Variants in NEB observed in about 807,000 individuals in gnomAD.
NEB encodes nebulin.
In NEB, 512 loss-of-function variants were observed where a neutral mutation model predicts 952.2. That is an observed-to-expected ratio of 0.54 (90% CI 0.50 to 0.58). The LOEUF is 0.58. Among genes scored for constraint, NEB ranks in the 20% least tolerant of loss-of-function variants. NEB has a pLI of 0.00. For synonymous variants in NEB, 2,900 were observed against 3,149.8 expected, an observed-to-expected ratio of 0.92 and a Z score of 2.66; for missense variants, 8,428 against 9,231.1, an observed-to-expected ratio of 0.91 and a Z score of 3.56.
At chr2:151,697,103 T>G (rs369409568) in intron 16 of NEB, 45 bp downstream of exon 16, 1 of 1,408,872 alleles carries the variant, frequency 7.1e-7, no homozygotes, top group Non-Finnish European at 9.9e-7. Context: ...GACCACTAGA[T>G]GCTATGGAAG....
chr2:151,526,351 G>A lies in NEB; in HGVS notation c.21946-89C>T, dbSNP rs150230249. ...ACCCTCAAACCAGTAGAACAGCAGC[G>A]TTGACAATACTAAACTCAATAAAAG... On this transcript the variant is annotated intron_variant, in intron 148 of 181. Coordinates refer to ENST00000397345, the MANE Select transcript of NEB (RefSeq NM_001164508.2). 2.9e-5 allele frequency: 26 copies of A among 889,282 alleles called. No individual in the cohort carries two copies. In the East Asian group the frequency reaches 3.2e-4, roughly 11 times the overall value. The allele number at this position is 889,282 out of a possible 1,614,324, so 55.1% of individuals were successfully genotyped here.
chr2:151,500,470 A>AAAGAT (rs2063584586), intron 168 of NEB, among the ~76,000 whole-genome samples: 1 of 152,124 alleles, frequency 6.6e-6, no homozygotes. Context: ...AATATTAATA[A>AAAGAT]AAGATAACAT....
Position 151,682,784 on chromosome 2 carries a change from G to A in NEB, c.2836-15C>T, listed in dbSNP as rs762710683. On this transcript the variant is annotated splice_polypyrimidine_tract_variant and intron_variant, in intron 28 of 181. Transcript: ENST00000397345. ...TTGTATTCAACCTAAAACACCAAGA[G>A]AAAGGTTACATTTCTTTGCTGTGTC... The A allele has an allele frequency of 5.0e-6, 8 of 1,595,676 alleles. No individual in the cohort carries two copies. Among genetic ancestry groups the A allele is most frequent in the African/African-American group, 2.7e-5 (2 of 74,514 alleles).
intron 170 of NEB, chr2:151,497,944 GTTA>G: frequency 6.9e-7 from 1 of 1,444,190 alleles, no homozygotes; most frequent in Non-Finnish European, 9.0e-7. Context: ...AGTTATCCAT[GTTA>G]TTTTTTTTCA....
chr2:151,722,768 C>CA (rs1428454202), intron 9 of NEB, among the ~76,000 whole-genome samples: 2 of 152,152 alleles, frequency 1.3e-5, no homozygotes, highest in Non-Finnish European at 2.9e-5. Flanking sequence ...AGGCTGATCT[C>CA]AGACTCCTGG....
chr2:151,516,049 C>G (rs540345056), intron 157 of NEB, among the ~76,000 whole-genome samples: 1 of 152,254 alleles, frequency 6.6e-6, no homozygotes, highest in South Asian at 2.1e-4. Context: ...TATCTGGGGT[C>G]TTGATAAACA....
intron 78 of NEB, 34 bp from the exon 79 acceptor site, chr2:151,610,900 G>A: frequency 7.3e-7 from 1 of 1,378,244 alleles, no homozygotes; most frequent in Non-Finnish European, 9.9e-7. Flanking sequence ...CATGGGGAGA[G>A]GGAGGGAGTA....
intron 47 of NEB, among the ~76,000 whole-genome samples, chr2:151,658,427 A>T (rs1182881047): frequency 6.6e-6 from 1 of 152,174 alleles, no homozygotes; most frequent in East Asian, 1.9e-4. Flanking sequence ...TTATTCTTAC[A>T]TCAAAAGAAA....
intron 141 of NEB, among the ~76,000 whole-genome samples, chr2:151,536,729 T>C (rs1014218178): frequency 6.6e-6 from 1 of 152,186 alleles, no homozygotes; most frequent in African/African-American, 2.4e-5. Flanking sequence ...GTGAATTGAA[T>C]TGCTTTATGT....
At chr2:151,497,518 C>T in intron 171 of NEB, 108 bp downstream of exon 171, 1 of 1,497,568 alleles carries the variant, frequency 6.7e-7, no homozygotes, top group Non-Finnish European at 8.9e-7. Context: ...AAGAAATTCA[C>T]AAAATTTAAG....
chr2:151,567,457 A>G lies in NEB; in HGVS notation c.17867T>C (p.Val5956Ala). 1 of 1,611,702 alleles carries G rather than the reference A, an allele frequency of 6.2e-7. No homozygotes were observed. Among genetic ancestry groups the G allele is most frequent in the Non-Finnish European group, 8.5e-7 (1 of 1,178,722 alleles). ...QSELKYKAEHVKQKGHYVGVP... is the reference protein window; with the variant it reads ...QSELKYKAEHAKQKGHYVGVP... ...ACCAACATAATGACCTTTTTGCTTC[A>G]CATGTTCAGCTTTGTATTTCAGCTG... Residue 5956 changes from valine (V) to alanine (A), a missense_variant, in exon 114 of 182, where the codon GTG becomes GCG. This residue lies in a region of NEB where 3,374 missense variants were observed against 3,651.5 expected (regional missense o/e 0.92). Coordinates refer to ENST00000397345, the MANE Select transcript of NEB (RefSeq NM_001164508.2).
Position 151,678,030 on chromosome 2 carries a change from T to A in NEB, c.3413A>T (p.Asn1138Ile). Reference sequence around the variant, plus strand: ...GACATTGAACATATCATGGGGCGTGTTGTATTTGGACTTTGTCTTCTCATA... The same window carrying A: ...GACATTGAACATATCATGGGGCGTGATGTATTTGGACTTTGTCTTCTCATA... ...KDYEKTKSKY[N>I]TPHDMFNVVA... Residue 1138 changes from asparagine to isoleucine, a missense_variant, in exon 33 of 182, where the codon AAC (asparagine) becomes ATC (isoleucine). Around this residue, in one of 11 missense-constraint regions of NEB, gnomAD observed 2,851 missense variants for 2,791.5 expected, o/e 1.02. Coordinates refer to ENST00000397345, the MANE Select transcript of NEB (RefSeq NM_001164508.2). The A allele has an allele frequency of 6.2e-7, 1 of 1,613,962 alleles. No individual in the cohort carries two copies. Among genetic ancestry groups the A allele is most frequent in the Non-Finnish European group, 8.5e-7 (1 of 1,179,882 alleles).
rs778070302 is a variant in NEB, at chr2:151,682,777, A to G, written c.2836-8T>C. On this transcript the variant is annotated splice_polypyrimidine_tract_variant and splice_region_variant and intron_variant, in intron 28 of 181. Coordinates refer to ENST00000397345, the MANE Select transcript of NEB (RefSeq NM_001164508.2). ...GTCAGCTTTGTATTCAACCTAAAAC[A>G]CCAAGAGAAAGGTTACATTTCTTTG... The G allele has an allele frequency of 6.2e-7, 1 of 1,604,194 alleles. No homozygotes were observed. Among genetic ancestry groups the G allele is most frequent in the Admixed American group, 1.7e-5 (1 of 59,540 alleles).
intron 54 of NEB, among the ~76,000 whole-genome samples, chr2:151,649,608 C>A (rs2099007210): frequency 6.6e-6 from 1 of 152,090 alleles, no homozygotes; most frequent in Admixed American, 6.6e-5. Context: ...TATAATTACT[C>A]CACCCTGCTA....
intron 9 of NEB, among the ~76,000 whole-genome samples, chr2:151,718,837 C>T (rs1174649688): frequency 1.3e-5 from 2 of 152,224 alleles, no homozygotes; most frequent in Non-Finnish European, 2.9e-5. Flanking sequence ...TCCTTTCTCT[C>T]TTCATTTCTG....
In NEB at chr2:151,695,675, T is replaced by C; in HGVS notation, c.1577A>G (p.Tyr526Cys). Reference protein sequence around the residue: ...VNSKQLSDLNYKAKHESEKFK... With the variant: ...VNSKQLSDLNCKAKHESEKFK... ...CTTTTCACTTTCATGTTTTGCTTTG[T>C]AATTTAACTATGACAGAGAGAGAAC... Residue 526 changes from tyrosine (Y) to cysteine (C), a missense_variant, in exon 18 of 182, where the codon TAC (tyrosine) becomes TGC (cysteine). By Grantham distance (194) the Tyr-to-Cys change is radical (BLOSUM62 -2). Transcript: ENST00000397345. The C allele has an allele frequency of 3.7e-6, 6 of 1,610,642 alleles. No homozygotes were observed. Among genetic ancestry groups the C allele is most frequent in the Non-Finnish European group, 4.2e-6 (5 of 1,177,088 alleles).
chr2:151,568,518 T>C, intron 111 of NEB, 100 bp downstream of exon 111: 1 of 1,447,558 alleles, frequency 6.9e-7, no homozygotes, highest in Non-Finnish European at 9.6e-7. Context: ...ATGATTAAAA[T>C]CTGTATTTCA....
chr2:151,686,316 CT>C (rs2099497988), intron 27 of NEB, among the ~76,000 whole-genome samples: 1 of 152,200 alleles, frequency 6.6e-6, no homozygotes, highest in Non-Finnish European at 1.5e-5. Flanking sequence ...GTGAGAATGA[CT>C]CATTTGCTAT....
intron 62 of NEB, 92 bp from the exon 63 acceptor site, chr2:151,639,476 G>T: frequency 4.3e-6 from 4 of 940,508 alleles, no homozygotes; most frequent in Non-Finnish European, 6.1e-6. Context: ...TAAAAAAAAA[G>T]AAAAGGTTAT....
Sources: allele counts gnomAD v4.1 joint callset (sites outside exome capture counted in the v4.1 genomes callset), GRCh38; gene constraint gnomAD v4.1.1; regional missense constraint gnomAD v4.1.1; transcripts MANE v1.5; gene names NCBI Gene and HGNC (gene_info 2026-07-23, HGNC 2026-07-21).